BABAM2: variants seen among roughly 807,000 people sequenced by gnomAD.
The protein encoded by BABAM2 is BRISC and BRCA1 A complex member 2, also known as BRISC and BRCA1-A complex member 2.
BABAM2 carries 31 observed loss-of-function variants against 54.7 expected under a neutral mutation model. That is an observed-to-expected ratio of 0.57 (90% confidence interval 0.43 to 0.77). The LOEUF is 0.77. BABAM2 is among the 30% of genes least tolerant of loss of function. BABAM2 has a pLI of 0.00. For synonymous variants in BABAM2, 167 were observed against 162.9 expected (o/e 1.03, Z -0.19); for missense variants, 364 against 455.8 (o/e 0.80, Z 1.83).
At chr2:28,099,955 C>T (rs140209267) in intron 6 of BABAM2, among the ~76,000 whole-genome samples, 3 of 152,032 alleles carry the variant, frequency 2.0e-5, no homozygotes, top group African/African-American at 4.8e-5. Context: ...AAATTTCTAA[C>T]GTATAGTCTT....
intron 7 of BABAM2, among the ~76,000 whole-genome samples, chr2:28,141,485 A>G (rs72814479): frequency 0.064 from 9,792 of 152,268 alleles, 373 homozygotes; most frequent in South Asian, 0.13. Flanking sequence ...GTTAGGAAGC[A>G]GTTTTTACCC....
intron 6 of BABAM2, among the ~76,000 whole-genome samples, chr2:28,085,202 A>G (rs1180704419): frequency 6.6e-6 from 1 of 152,224 alleles, no homozygotes; most frequent in East Asian, 1.9e-4. Context: ...CATTACTTGT[A>G]TTGTGTTAAC....
intron 7 of BABAM2, among the ~76,000 whole-genome samples, chr2:28,186,752 A>G (rs1558417813): frequency 6.6e-6 from 1 of 152,066 alleles, no homozygotes; most frequent in Non-Finnish European, 1.5e-5. Context: ...GAGTGGTAGT[A>G]TATCCTGTTA....
intron 7 of BABAM2, among the ~76,000 whole-genome samples, chr2:28,144,648 C>T (rs1039252436): frequency 1.2e-4 from 18 of 152,242 alleles, no homozygotes; most frequent in Non-Finnish European, 2.1e-4. Context: ...AGATGTCCAC[C>T]GGCCATGGCA....
At chr2:28,080,558 C>CT (rs1451153698) in intron 6 of BABAM2, among the ~76,000 whole-genome samples, 1 of 151,968 alleles carries the variant, frequency 6.6e-6, no homozygotes, top group Non-Finnish European at 1.5e-5. Flanking sequence ...CTGATGATGG[C>CT]TTTTTTTGGT....
chr2:28,279,733 TCAGCTCA>T (rs1283249048), intron 10 of BABAM2, among the ~76,000 whole-genome samples: 1 of 146,866 alleles, frequency 6.8e-6, no homozygotes, highest in Admixed American at 6.9e-5. Context: ...TGGCATGATC[TCAGCTCA>T]CCGCTACCTC....
intron 10 of BABAM2, among the ~76,000 whole-genome samples, chr2:28,262,595 C>A (rs1684627485): frequency 1.3e-5 from 2 of 152,028 alleles, no homozygotes; most frequent in African/African-American, 4.8e-5. Context: ...TTTTAGGCAT[C>A]TAGGTAGCTG....
intron 6 of BABAM2, among the ~76,000 whole-genome samples, chr2:28,126,870 GA>G (rs1490210005): frequency 6.8e-6 from 1 of 147,004 alleles, no homozygotes; most frequent in Non-Finnish European, 1.5e-5. Flanking sequence ...CTGTGGTTTT[GA>G]TTTGCATTTC....
intron 3 of BABAM2, among the ~76,000 whole-genome samples, chr2:27,958,341 G>A (rs896161839): frequency 6.6e-6 from 1 of 151,938 alleles, no homozygotes; most frequent in Non-Finnish European, 1.5e-5. Context: ...GAGGGAGAAG[G>A]AAAAGACAAA....
chr2:28,112,147 T>TTCTC lies in BABAM2; in HGVS notation c.571-17123_571-17122insCTCT. Among the ~76,000 whole-genome samples, 2 of 5,246 alleles carry TTCTC rather than the reference T, an allele frequency of 3.8e-4. 1 individual carries two copies. Among genetic ancestry groups the TTCTC allele is most frequent in the Non-Finnish European group, 6.3e-4 (2 of 3,154 alleles). 3.4% of individuals were successfully genotyped at this position (5,246 alleles called of 152,430 possible). On this transcript the variant is annotated intron_variant, in intron 6 of 11. Transcript: ENST00000379624. ...TTTCTTTCTTTCTTTCTTTCTTTCT[T>TTCTC]TACCTCCCTCCCTCCCTCCCTCCCT...
chr2:28,189,017 A>G (rs1235642519), intron 7 of BABAM2, among the ~76,000 whole-genome samples: 1 of 152,154 alleles, frequency 6.6e-6, no homozygotes, highest in Non-Finnish European at 1.5e-5. Context: ...CCTGGCCAAC[A>G]TGGTGAAACC....
At chr2:28,188,725 G>A (rs944328072) in intron 7 of BABAM2, among the ~76,000 whole-genome samples, 4 of 152,102 alleles carry the variant, frequency 2.6e-5, no homozygotes, top group Admixed American at 1.3e-4. Flanking sequence ...TTCCTCATGA[G>A]CTCCCAAAGG....
At position 28,085,592 on chromosome 2, in the gene BABAM2, A is replaced by G. The variant is rs1665562836; in HGVS notation, c.570+39793A>G. Among the ~76,000 whole-genome samples, 4 of 152,204 alleles carry G rather than the reference A, an allele frequency of 2.6e-5. No homozygotes were observed. In the South Asian group the frequency reaches 8.3e-4, roughly 32 times the overall value. On this transcript the variant is annotated intron_variant, in intron 6 of 11. Coordinates refer to ENST00000379624, the MANE Select transcript of BABAM2 (RefSeq NM_199191.3). ...ATGCTTGTCAAAGTAATGAATATTT[A>G]ACATATTACTTGACTTATAGACTAA...
intron 7 of BABAM2, among the ~76,000 whole-genome samples, chr2:28,214,600 G>C (rs963178007): frequency 1.3e-5 from 2 of 151,946 alleles, no homozygotes; most frequent in Non-Finnish European, 2.9e-5. Flanking sequence ...CATTGCATTG[G>C]CTAGGACTTC....
intron 6 of BABAM2, among the ~76,000 whole-genome samples, chr2:28,121,940 C>A (rs1013949990): frequency 6.6e-6 from 1 of 152,162 alleles, no homozygotes; most frequent in South Asian, 2.1e-4. Context: ...CTTGGTCAGG[C>A]GCAGTGACTC....
At chr2:27,966,908 A>G (rs1670880159) in intron 3 of BABAM2, among the ~76,000 whole-genome samples, 1 of 152,198 alleles carries the variant, frequency 6.6e-6, no homozygotes, top group Non-Finnish European at 1.5e-5. Flanking sequence ...AAATAGAAAT[A>G]CCAAAGCCTT....
intron 7 of BABAM2, among the ~76,000 whole-genome samples, chr2:28,225,064 T>C (rs1680763254): frequency 6.6e-6 from 1 of 152,112 alleles, no homozygotes; most frequent in Non-Finnish European, 1.5e-5. Flanking sequence ...AAGACAAAAA[T>C]ACCTGTTTCT....
At chr2:28,237,425 A>T in intron 8 of BABAM2, 124 bp downstream of exon 8, 1 of 760,402 alleles carries the variant, frequency 1.3e-6, no homozygotes, top group Non-Finnish European at 2.2e-6. Context: ...CCTCCATCTG[A>T]CACCTGCCCT....
intron 10 of BABAM2, among the ~76,000 whole-genome samples, chr2:28,248,207 C>CTTTTTCTTTTTTTTT (rs1553349503): frequency 0.016 from 858 of 54,270 alleles, 107 homozygotes; most frequent in African/African-American, 0.024. Context: ...TTTTCTTTTT[C>CTTTTTCTTTTTTTTT]TTTTTTTTTT....
Sources: gnomAD v4.1 joint callset for allele counts (sites outside exome capture counted in the v4.1 genomes callset) on GRCh38, gnomAD v4.1.1 for gene constraint, MANE v1.5 for transcripts, NCBI Gene and HGNC (gene_info 2026-07-23, HGNC 2026-07-21) for gene names.